Variants in TRHDE observed in about 807,000 individuals in gnomAD.
TRHDE encodes thyrotropin releasing hormone degrading enzyme, also known as thyrotropin-releasing hormone-degrading ectoenzyme.
Under a neutral mutation model 125.7 loss-of-function variants are expected in TRHDE, and 72 were observed. The ratio of observed to expected loss-of-function variants is 0.57; its 90% CI spans 0.47 to 0.70. The LOEUF (loss-of-function observed/expected upper bound fraction) is 0.70, where lower values mean the gene tolerates loss of function less well. Among genes scored for constraint, TRHDE ranks in the 30% least tolerant of loss-of-function variants. The pLI, the probability that TRHDE is intolerant of heterozygous loss-of-function variation, is 0.00. For synonymous variants in TRHDE, 509 were observed against 509.1 expected (o/e 1.00, Z 0.00); for missense variants, 1,110 against 1,327.1 (o/e 0.84, Z 2.54).
intron 12 of TRHDE, among the ~76,000 whole-genome samples, chr12:72,616,276 G>A (rs1291268241): frequency 6.6e-6 from 1 of 151,864 alleles, no homozygotes; most frequent in Non-Finnish European, 1.5e-5. Flanking sequence ...TACATATTAA[G>A]CGACTAAAGA....
At chr12:72,571,208 T>A (rs1870717681) in intron 10 of TRHDE, among the ~76,000 whole-genome samples, 2 of 152,178 alleles carry the variant, frequency 1.3e-5, no homozygotes, top group African/African-American at 4.8e-5. Context: ...TTGTCCCATC[T>A]CCTCTTTTTC....
In TRHDE at chr12:72,575,264, G is replaced by T. The variant is rs1309351010; in HGVS notation, c.2141G>T (p.Arg714Ile). ...IWVSNKSEHH[R>I]ITYLDKGSWL... Reference sequence around the variant, plus strand: ...AAAATGCTTTTTTCAGAGCACCACAGAATAACTTATTTGGACAAAGGAAGC... The same window carrying T: ...AAAATGCTTTTTTCAGAGCACCACATAATAACTTATTTGGACAAAGGAAGC... Residue 714 changes from arginine to isoleucine, a missense_variant, in exon 11 of 19, where the codon AGA becomes ATA. By Grantham distance (97) the Arg-to-Ile change is moderately conservative. This residue lies in a region of TRHDE where 527 missense variants were observed against 651.8 expected (regional missense o/e 0.81). Transcript: ENST00000261180. The T allele has an allele frequency of 1.9e-6, 3 of 1,613,112 alleles. No homozygotes were observed. The South Asian group carries it at 3.3e-5, about 18-fold the overall frequency.
chr12:72,632,505 A>G (rs1000508364), intron 15 of TRHDE, among the ~76,000 whole-genome samples: 1 of 151,864 alleles, frequency 6.6e-6, no homozygotes, highest in Non-Finnish European at 1.5e-5. Context: ...ACAATTGTAT[A>G]CCTCTTAAGT....
chr12:72,141,661 A>G (rs1297768380), intron 2 of TRHDE, among the ~76,000 whole-genome samples: 1 of 152,256 alleles, frequency 6.6e-6, no homozygotes, highest in Non-Finnish European at 1.5e-5. Flanking sequence ...TAAGAAGACT[A>G]AAAATAATGA....
intron 6 of TRHDE, 147 bp from the exon 7 acceptor site, chr12:72,542,144 T>G: frequency 2.0e-6 from 1 of 490,474 alleles, no homozygotes; most frequent in Non-Finnish European, 3.4e-6. Flanking sequence ...TATCACTAAG[T>G]TGGATGTTGT....
chr12:72,096,134 T>TACACACAC (rs144560604), intron 1 of TRHDE, among the ~76,000 whole-genome samples: 9,459 of 145,074 alleles, frequency 0.065, 562 homozygotes, highest in African/African-American at 0.15. Flanking sequence ...CTTATGTGTA[T>TACACACAC]ACACACACAC....
At chr12:72,327,316 C>T (rs1869385140) in intron 2 of TRHDE, among the ~76,000 whole-genome samples, 1 of 152,026 alleles carries the variant, frequency 6.6e-6, no homozygotes, top group African/African-American at 2.4e-5. Context: ...AGGGGTGAGA[C>T]TTGAGGGTTG....
At chr12:72,493,015 A>G (rs951334508) in intron 5 of TRHDE, among the ~76,000 whole-genome samples, 2 of 151,924 alleles carry the variant, frequency 1.3e-5, no homozygotes, top group Non-Finnish European at 2.9e-5. Context: ...GGAGTTGCTT[A>G]AAGGCAGAAT....
At position 72,201,124 on chromosome 12, in the gene TRHDE, A is replaced by C. The variant is rs113567175; in HGVS notation, n.279+95372A>C. Among the ~76,000 whole-genome samples, 351 of 152,286 alleles carry C rather than the reference A, an allele frequency of 2.3e-3. 2 individuals are homozygous for C. The highest frequency in any genetic ancestry group is 7.9e-3 in the African/African-American group (327 of 41,554). Reference sequence around the variant, plus strand: ...GATCTCTCTAGGAGATCTCTCCTGGAGTAGAACTAGGGAAGAATGGAAAGA... The same window carrying C: ...GATCTCTCTAGGAGATCTCTCCTGGCGTAGAACTAGGGAAGAATGGAAAGA... On this transcript the variant is annotated intron_variant and non_coding_transcript_variant, in intron 2 of 4. Coordinates refer to the TRHDE transcript ENST00000548156.
At chr12:72,400,761 G>T (rs1004622056) in intron 3 of TRHDE, among the ~76,000 whole-genome samples, 1 of 152,072 alleles carries the variant, frequency 6.6e-6, no homozygotes, top group Non-Finnish European at 1.5e-5. Flanking sequence ...GAAAAAGTTT[G>T]TCTTAATTAG....
At chr12:72,534,716 A>G (rs1259528127) in intron 6 of TRHDE, among the ~76,000 whole-genome samples, 1 of 152,146 alleles carries the variant, frequency 6.6e-6, no homozygotes, top group African/African-American at 2.4e-5. Flanking sequence ...AAATATTATT[A>G]TCATTATCAT....
chr12:72,642,620 C>T (rs917918943), intron 15 of TRHDE, among the ~76,000 whole-genome samples: 6 of 151,954 alleles, frequency 3.9e-5, no homozygotes, highest in South Asian at 2.1e-4. Context: ...TCATGTATAC[C>T]GTACCTAGAG....
At chr12:72,102,789 C>T (rs886617888) in intron 1 of TRHDE, among the ~76,000 whole-genome samples, 5 of 152,162 alleles carry the variant, frequency 3.3e-5, no homozygotes, top group African/African-American at 9.7e-5. Context: ...CATGAATAGT[C>T]GTGGATGCAC....
At chr12:72,560,836 T>A (rs1248163942) in intron 7 of TRHDE, 1 of 151,956 alleles carries the variant, frequency 6.6e-6, no homozygotes, top group Non-Finnish European at 1.5e-5. Context: ...AAATAAAAAA[T>A]TAAAAAATAA....
intron 2 of TRHDE, among the ~76,000 whole-genome samples, chr12:72,121,946 C>G (rs1041722587): frequency 2.0e-5 from 3 of 151,976 alleles, no homozygotes; most frequent in Admixed American, 2.0e-4. Context: ...CATAGCCAGG[C>G]CAGCTCTCTG....
intron 2 of TRHDE, among the ~76,000 whole-genome samples, chr12:72,172,951 G>A (rs1876904971): frequency 1.3e-5 from 2 of 152,168 alleles, no homozygotes; most frequent in African/African-American, 4.8e-5. Context: ...TGCTGCCCTA[G>A]TGAGATGAGA....
chr12:72,255,259 A>G (rs1878781767), intron 2 of TRHDE: 2 of 152,218 alleles, frequency 1.3e-5, no homozygotes, highest in African/African-American at 4.8e-5. Context: ...AGAAGAGATC[A>G]TCATCACTGT....
intron 18 of TRHDE, among the ~76,000 whole-genome samples, chr12:72,662,849 A>G (rs1424176366): frequency 1.3e-5 from 2 of 150,488 alleles, no homozygotes; most frequent in African/African-American, 2.5e-5. Context: ...CAATTACATC[A>G]CAACTAATTG....
chr12:72,246,223 T>G (rs2061117208), intron 2 of TRHDE, among the ~76,000 whole-genome samples: 1 of 149,796 alleles, frequency 6.7e-6, no homozygotes, highest in African/African-American at 2.4e-5. Flanking sequence ...AAAAAAAATT[T>G]CCCTACACCT....
Sources: gnomAD v4.1 joint callset for allele counts (sites outside exome capture counted in the v4.1 genomes callset) on GRCh38, gnomAD v4.1.1 for gene constraint, gnomAD v4.1.1 regional missense constraint, MANE v1.5 for transcripts, NCBI Gene and HGNC (gene_info 2026-07-23, HGNC 2026-07-21) for gene names.